The following PCDH15 variants were observed in gnomAD, a reference collection of about 807,000 sequenced individuals.
The protein encoded by PCDH15 is protocadherin-15.
In PCDH15, 129 loss-of-function variants were observed where a neutral mutation model predicts 178.5. The ratio of observed to expected loss-of-function variants is 0.72; its 90% CI spans 0.63 to 0.84. The LOEUF (loss-of-function observed/expected upper bound fraction) is 0.84, where lower values mean the gene tolerates loss of function less well. Ranked by LOEUF, PCDH15 falls within the 40% of genes least tolerant of loss-of-function variation. The probability of loss-of-function intolerance (pLI) is 0.00; values close to 1 mark genes in which losing one functional copy is unlikely to be tolerated. For synonymous variants in PCDH15, 800 were observed against 732.0 expected, an observed-to-expected ratio of 1.09 and a Z score of -1.50; for missense variants, 2,230 against 2,099.9, an observed-to-expected ratio of 1.06 and a Z score of -1.21.
At chr10:55,356,098 A>G (rs562617276) in intron 2 of PCDH15, among the ~76,000 whole-genome samples, 15 of 151,986 alleles carry the variant, frequency 9.9e-5, no homozygotes, top group Non-Finnish European at 1.9e-4. Flanking sequence ...TTCCGACACA[A>G]CTAATTAAGT....
At chr10:53,877,796 T>G (rs2080354647) in intron 26 of PCDH15, among the ~76,000 whole-genome samples, 1 of 152,098 alleles carries the variant, frequency 6.6e-6, no homozygotes, top group African/African-American at 2.4e-5. Context: ...CTACTTCCAG[T>G]CCATCAGCAA....
chr10:54,418,839 A>G (rs115097183), intron 3 of PCDH15, among the ~76,000 whole-genome samples: 3,612 of 152,114 alleles, frequency 0.024, 155 homozygotes, highest in African/African-American at 0.082. Context: ...TTCTAAACAA[A>G]GCTAAAAGAC....
At chr10:54,250,333 A>C (rs149415102) in intron 8 of PCDH15, among the ~76,000 whole-genome samples, 4,795 of 135,258 alleles carry the variant, frequency 0.035, 199 homozygotes, top group African/African-American at 0.11. Flanking sequence ...CCCAGGCTAG[A>C]GGGCAGTGGC....
At chr10:54,253,043 G>A (rs1215408347) in intron 8 of PCDH15, among the ~76,000 whole-genome samples, 1 of 151,962 alleles carries the variant, frequency 6.6e-6, no homozygotes, top group Admixed American at 6.6e-5. Context: ...ATTACAACAT[G>A]TTATAAAGCT....
At chr10:55,552,546 T>C (rs1035907833) in intron 2 of PCDH15, among the ~76,000 whole-genome samples, 5 of 151,418 alleles carry the variant, frequency 3.3e-5, no homozygotes, top group Admixed American at 1.3e-4. Context: ...ATCTTTGTGT[T>C]CCCAAATCAA....
intron 2 of PCDH15, among the ~76,000 whole-genome samples, chr10:55,487,994 T>C (rs1840332943): frequency 6.6e-6 from 1 of 151,622 alleles, no homozygotes; most frequent in Non-Finnish European, 1.5e-5. Flanking sequence ...TTATTTAAAA[T>C]ATAGTTAGGT....
intron 1 of PCDH15, among the ~76,000 whole-genome samples, chr10:54,773,726 A>G (rs1949356743): frequency 6.6e-6 from 1 of 152,142 alleles, no homozygotes; most frequent in Non-Finnish European, 1.5e-5. Flanking sequence ...TTCACCCCTG[A>G]CTAGAAACAC....
At chr10:55,045,230 G>A (rs978534997) in intron 2 of PCDH15, among the ~76,000 whole-genome samples, 2 of 151,738 alleles carry the variant, frequency 1.3e-5, no homozygotes, top group Non-Finnish European at 2.9e-5. Context: ...CATTTCCTTT[G>A]TACCCAAGCC....
At chr10:54,015,663 T>C (rs1462613083) in intron 20 of PCDH15, among the ~76,000 whole-genome samples, 1 of 152,126 alleles carries the variant, frequency 6.6e-6, no homozygotes, top group Non-Finnish European at 1.5e-5. Flanking sequence ...GGACTCCCTA[T>C]TCAGCAAATG....
intron 1 of PCDH15, among the ~76,000 whole-genome samples, chr10:55,191,702 C>T (rs907580101): frequency 6.6e-6 from 1 of 151,834 alleles, no homozygotes; most frequent in Admixed American, 6.6e-5. Context: ...TATGAAGGTT[C>T]ATTTCTTACA....
Position 54,699,198 on chromosome 10 carries a change from T to C in PCDH15, c.-28-34908A>G, listed in dbSNP as rs577906478. Among the ~76,000 whole-genome samples the C allele has an allele frequency of 7.2e-5, 11 of 152,246 alleles. 1 individual carries two copies. The South Asian group carries it at 2.1e-3, about 29-fold the overall frequency. Reference sequence around the variant, plus strand: ...TGATATTTCAAAGTATTTATCAATGTTATTGTCAACTTTGAAAGGTGAGAA... The same window carrying C: ...TGATATTTCAAAGTATTTATCAATGCTATTGTCAACTTTGAAAGGTGAGAA... On this transcript the variant is annotated intron_variant, in intron 1 of 37. Coordinates refer to ENST00000644397, the MANE Select transcript of PCDH15 (RefSeq NM_001384140.1).
At chr10:54,821,473 A>T (rs571749120) in intron 3 of PCDH15, among the ~76,000 whole-genome samples, 2 of 152,126 alleles carry the variant, frequency 1.3e-5, no homozygotes, top group Non-Finnish European at 2.9e-5. Flanking sequence ...AAATAAGAAA[A>T]CAAATCATGA....
At position 54,717,500 on chromosome 10, in the gene PCDH15, G is replaced by A. The variant is rs1335193451; in HGVS notation, c.-28-53210C>T. ...GAAGATATTTATGCAGCCAAAAAACGCATGAAAAAATGCTCACCATCACTG... is the reference window on the plus strand; with the variant it reads ...GAAGATATTTATGCAGCCAAAAAACACATGAAAAAATGCTCACCATCACTG... On this transcript the variant is annotated intron_variant, in intron 1 of 37. Coordinates refer to ENST00000644397, the MANE Select transcript of PCDH15 (RefSeq NM_001384140.1). 6.8e-5 allele frequency among the ~76,000 whole-genome samples: 10 copies of A among 146,342 alleles called. 2 individuals are homozygous for A. The highest frequency in any genetic ancestry group is 3.9e-4 in the East Asian group (2 of 5,076).
At chr10:55,454,761 G>A (rs1003907163) in intron 2 of PCDH15, among the ~76,000 whole-genome samples, 9 of 138,980 alleles carry the variant, frequency 6.5e-5, no homozygotes, top group African/African-American at 2.5e-4. Flanking sequence ...CTCCAGCCTG[G>A]GCAACAGAGA....
intron 1 of PCDH15, among the ~76,000 whole-genome samples, chr10:55,271,510 T>G (rs973489556): frequency 1.3e-5 from 2 of 152,030 alleles, no homozygotes; most frequent in Non-Finnish European, 2.9e-5. Context: ...CTTTACAAAA[T>G]TTGCTATTTT....
At chr10:54,476,653 G>A (rs1355470328) in intron 3 of PCDH15, among the ~76,000 whole-genome samples, 1 of 152,060 alleles carries the variant, frequency 6.6e-6, no homozygotes, top group Non-Finnish European at 1.5e-5. Context: ...AGGAAAGACA[G>A]AATTGTTTGT....
chr10:54,511,156 A>AT (rs1024897910), intron 3 of PCDH15, among the ~76,000 whole-genome samples: 1 of 152,064 alleles, frequency 6.6e-6, no homozygotes, highest in Non-Finnish European at 1.5e-5. Flanking sequence ...TTTAAGAATA[A>AT]TTTTTTTCCT....
intron 18 of PCDH15, among the ~76,000 whole-genome samples, chr10:54,041,709 C>A (rs1049543186): frequency 7.2e-5 from 11 of 151,926 alleles, no homozygotes; most frequent in African/African-American, 1.7e-4. Flanking sequence ...ACTATGAGAG[C>A]ACATAAATAT....
chr10:54,309,765 C>A (rs763064477), intron 8 of PCDH15, among the ~76,000 whole-genome samples: 25 of 151,658 alleles, frequency 1.6e-4, no homozygotes, highest in Non-Finnish European at 2.9e-4. Flanking sequence ...CACTGCACTG[C>A]CTTGGTGACA....
Sources: gnomAD v4.1 joint callset for allele counts (sites outside exome capture counted in the v4.1 genomes callset) on GRCh38, gnomAD v4.1.1 for gene constraint, MANE v1.5 for transcripts, NCBI Gene and HGNC (gene_info 2026-07-23, HGNC 2026-07-21) for gene names.